The following GTF2IRD2 variants were observed in gnomAD, a reference collection of about 807,000 sequenced individuals.
GTF2IRD2 encodes GTF2I repeat domain containing 2, also known as general transcription factor II-I repeat domain-containing protein 2A.
GTF2IRD2 carries 8 observed loss-of-function variants against 49.2 expected under a neutral mutation model. The ratio of observed to expected loss-of-function variants is 0.16; its 90% CI spans 0.10 to 0.29. The LOEUF (loss-of-function observed/expected upper bound fraction) is 0.29, where lower values mean the gene tolerates loss of function less well. Among genes scored for constraint, GTF2IRD2 ranks in the 10% least tolerant of loss-of-function variants. The pLI is 1.00. For synonymous variants in GTF2IRD2, 47 were observed against 289.7 expected (o/e 0.16, Z 8.51); for missense variants, 130 against 725.7 (o/e 0.18, Z 9.43).
chr7:74,830,511 A>G (rs1584399921), intron 3 of GTF2IRD2, among the ~76,000 whole-genome samples: 1 of 146,730 alleles, frequency 6.8e-6, no homozygotes, highest in Admixed American at 7.1e-5. Flanking sequence ...CTCAAAAAAC[A>G]AAAACAAAAA....
At chr7:74,826,920 C>T (rs1799453086) in intron 3 of GTF2IRD2, among the ~76,000 whole-genome samples, 1 of 151,710 alleles carries the variant, frequency 6.6e-6, no homozygotes, top group African/African-American at 2.4e-5. Context: ...CCATGTTGGC[C>T]AGGCTGGTCT....
chr7:74,841,957 C>T (rs1338420755), intron 1 of GTF2IRD2, among the ~76,000 whole-genome samples: 1 of 136,042 alleles, frequency 7.4e-6, no homozygotes, highest in Non-Finnish European at 1.5e-5. Context: ...AACTTTGTCT[C>T]TACTAAAAAT....
chr7:74,822,865 T>G (rs1481095191), intron 4 of GTF2IRD2, 58 bp from the exon 5 acceptor site: 12 of 1,553,432 alleles, frequency 7.7e-6, no homozygotes, highest in African/African-American at 2.9e-5. Flanking sequence ...ACCAGTTTTT[T>G]TTTGTTTGTT....
At position 74,835,984 on chromosome 7, in the gene GTF2IRD2, C is replaced by CAA. The variant is rs587628600; in HGVS notation, c.99+294_99+295dup. On this transcript the variant is annotated intron_variant, in intron 2 of 15. Transcript: ENST00000451013. ...TGGGCAGCAGAGCAAGACTCTGTCT[C>CAA]AAAAAAAAAAAACAAAAATTAGCTG... is the stretch of plus-strand genomic sequence containing the variant. 1.0e-4 allele frequency among the ~76,000 whole-genome samples: 11 copies of CAA among 108,832 alleles called. 1 individual carries two copies. In the East Asian group the frequency reaches 2.3e-3, roughly 23 times the overall value. The allele number at this position is 108,832 out of a possible 152,430, so 71.4% of individuals were successfully genotyped here. A position where few individuals can be genotyped will look rare whatever the true frequency, so the allele number is the denominator to read the frequency against.
intron 1 of GTF2IRD2, among the ~76,000 whole-genome samples, chr7:74,836,710 T>C (rs1297367700): frequency 6.6e-6 from 1 of 152,254 alleles, no homozygotes; most frequent in Non-Finnish European, 1.5e-5. Context: ...GGACTACAGG[T>C]GAGCGCCATC....
At chr7:74,829,795 G>A (rs1361939001) in intron 3 of GTF2IRD2, among the ~76,000 whole-genome samples, 2 of 150,852 alleles carry the variant, frequency 1.3e-5, no homozygotes, top group Non-Finnish European at 2.9e-5. Context: ...TGCTGAGGCA[G>A]GAGAATGGCT....
At chr7:74,830,499 G>A (rs1429654615) in intron 3 of GTF2IRD2, among the ~76,000 whole-genome samples, 2 of 144,996 alleles carry the variant, frequency 1.4e-5, no homozygotes, top group East Asian at 4.1e-4. Flanking sequence ...GCAAAACTCT[G>A]TCTCAAAAAA....
chr7:74,829,497 A>ATCTGTACT (rs1182070373), intron 3 of GTF2IRD2, among the ~76,000 whole-genome samples: 1 of 130,246 alleles, frequency 7.7e-6, no homozygotes, highest in African/African-American at 3.0e-5. Context: ...TTGCTAAGAT[A>ATCTGTACT]TCTGTACTAC....
chr7:74,798,655 C>G (rs1797221820), intron 15 of GTF2IRD2, among the ~76,000 whole-genome samples: 1 of 146,892 alleles, frequency 6.8e-6, no homozygotes, highest in African/African-American at 2.5e-5. Flanking sequence ...ATGACAGGTG[C>G]CTGCCACCAC....
At chr7:74,818,353 C>A (rs1355048512) in intron 8 of GTF2IRD2, among the ~76,000 whole-genome samples, 1 of 137,802 alleles carries the variant, frequency 7.3e-6, no homozygotes, top group African/African-American at 2.8e-5. Context: ...AATTCAGGTT[C>A]TCATTCAACT....
rs1412304522 is a variant in GTF2IRD2, at chr7:74,835,992, A to C, written c.99+288T>G. Among the ~76,000 whole-genome samples, 7 of 130,622 alleles carry C rather than the reference A, an allele frequency of 5.4e-5. 1 individual carries two copies. Among genetic ancestry groups the C allele is most frequent in the Admixed American group, 1.4e-4 (2 of 14,030 alleles). 85.7% of individuals were successfully genotyped at this position (130,622 alleles called of 152,430 possible). ...AGAGCAAGACTCTGTCTCAAAAAAAAAAAACAAAAATTAGCTGGATGTGGT... is the reference window on the plus strand; with the variant it reads ...AGAGCAAGACTCTGTCTCAAAAAAACAAAACAAAAATTAGCTGGATGTGGT... On this transcript the variant is annotated intron_variant, in intron 2 of 15. Transcript: ENST00000451013.
intron 8 of GTF2IRD2, among the ~76,000 whole-genome samples, chr7:74,818,562 C>T (rs1327348621): frequency 9.7e-5 from 13 of 134,280 alleles, no homozygotes; most frequent in African/African-American, 3.4e-4. Flanking sequence ...TGGGCTTAAG[C>T]GATCCTCCCA....
At chr7:74,833,221 TTGTGTGTG>T (rs369196670) in intron 2 of GTF2IRD2, among the ~76,000 whole-genome samples, 17 of 111,890 alleles carry the variant, frequency 1.5e-4, no homozygotes, top group South Asian at 3.0e-4. Flanking sequence ...CCTGGCTAAT[TTGTGTGTG>T]TGTGTGTGTG....
intron 1 of GTF2IRD2, among the ~76,000 whole-genome samples, chr7:74,841,897 G>A (rs1187295566): frequency 7.2e-6 from 1 of 139,572 alleles, no homozygotes; most frequent in Non-Finnish European, 1.5e-5. Context: ...AGGCCGAGGC[G>A]GACGGATCAC....
chr7:74,798,517 C>T (rs1563009966), intron 15 of GTF2IRD2, among the ~76,000 whole-genome samples: 2 of 151,568 alleles, frequency 1.3e-5, no homozygotes, highest in African/African-American at 4.9e-5. Flanking sequence ...TTTTTGTTGT[C>T]GTTGTTGTTG....
intron 3 of GTF2IRD2, among the ~76,000 whole-genome samples, chr7:74,829,682 C>A (rs1355930613): frequency 6.8e-6 from 1 of 147,572 alleles, no homozygotes. Flanking sequence ...GAATTCAAGA[C>A]CATCCTGGCC....
intron 7 of GTF2IRD2, 133 bp from the exon 8 acceptor site, chr7:74,819,730 A>C: frequency 1.6e-6 from 1 of 614,848 alleles, no homozygotes; most frequent in South Asian, 2.0e-5. Flanking sequence ...AAATGCAACA[A>C]TGCCTCCATT....
rs587677928 is a variant in GTF2IRD2 at position 74,827,078 on chromosome 7, T to A, written c.239-2026A>T. Among the ~76,000 whole-genome samples, 690 of 150,636 alleles carry A rather than the reference T, an allele frequency of 4.6e-3. 7 individuals are homozygous for A. The highest frequency in any genetic ancestry group is 0.016 in the African/African-American group (668 of 41,012). ...GTACCACATTTTCTTTGTCCCGTCA[T>A]CTGGTGATGGATGCTTAGCTTGATT... On this transcript the variant is annotated intron_variant, in intron 3 of 15. Coordinates refer to ENST00000451013, the MANE Select transcript of GTF2IRD2 (RefSeq NM_173537.5).
chr7:74,824,233 T>C (rs76914427), intron 4 of GTF2IRD2, among the ~76,000 whole-genome samples: 92,762 of 99,710 alleles, frequency 0.93, 43,477 homozygotes, highest in East Asian at 1. Flanking sequence ...TTTTGGGAGG[T>C]CGAGGCAGGA....
Sources: gnomAD v4.1 joint callset for allele counts (sites outside exome capture counted in the v4.1 genomes callset) on GRCh38, gnomAD v4.1.1 for gene constraint, MANE v1.5 for transcripts, NCBI Gene and HGNC (gene_info 2026-07-23, HGNC 2026-07-21) for gene names.